The following NRXN3 variants were observed in gnomAD, a reference collection of about 807,000 sequenced individuals.
NRXN3 encodes the protein neurexin 3.
A neutral mutation model predicts 137.6 loss-of-function variants in NRXN3; 32 were observed. The ratio of observed to expected loss-of-function variants is 0.23; its 90% CI spans 0.18 to 0.31. The LOEUF is 0.31. NRXN3 is among the 10% of genes least tolerant of loss of function. NRXN3 has a pLI of 1.00. For missense variants in NRXN3, 1,574 were observed against 2,062.5 expected, an observed-to-expected ratio of 0.76 and a Z score of 4.59; for synonymous variants, 798 against 784.5, an observed-to-expected ratio of 1.02 and a Z score of -0.29.
chr14:78,823,383 C>T (rs937700965), intron 10 of NRXN3, among the ~76,000 whole-genome samples: 1 of 152,182 alleles, frequency 6.6e-6, no homozygotes, highest in Admixed American at 6.5e-5. Context: ...GACTGTTCCT[C>T]TGTATCTGCC....
chr14:78,390,900 G>A (rs1299172896), intron 4 of NRXN3, among the ~76,000 whole-genome samples: 1 of 152,116 alleles, frequency 6.6e-6, no homozygotes, highest in Admixed American at 6.6e-5. Flanking sequence ...ATTAAGCCCA[G>A]CATGCATTAG....
chr14:78,349,772 T>A (rs996303521), intron 4 of NRXN3, among the ~76,000 whole-genome samples: 2 of 152,228 alleles, frequency 1.3e-5, no homozygotes, highest in Non-Finnish European at 2.9e-5. Flanking sequence ...TTATTCCTAG[T>A]CATTGTCAAA....
rs75193191 is a variant in NRXN3 at position 79,569,223 on chromosome 14, C to A, written c.3445-94555C>A. 6.6e-3 allele frequency among the ~76,000 whole-genome samples: 1,011 copies of A among 152,114 alleles called. 13 individuals carry two copies. Among genetic ancestry groups the A allele is most frequent in the African/African-American group, 0.024 (976 of 41,502 alleles). On this transcript the variant is annotated intron_variant, in intron 16 of 20. Transcript: ENST00000335750. ...TAATACTAACCTCCTACCAAACAAT[C>A]CCTGTTGCCACTCTACTGAAAATAC... is the stretch of plus-strand genomic sequence containing the variant.
At chr14:79,722,045 C>A (rs2098846477) in intron 19 of NRXN3, among the ~76,000 whole-genome samples, 1 of 152,088 alleles carries the variant, frequency 6.6e-6, no homozygotes, top group Admixed American at 6.6e-5. Context: ...TGTTCTATAA[C>A]AGTCAGCAAG....
chr14:79,089,258 T>C (rs927100015), intron 15 of NRXN3, among the ~76,000 whole-genome samples: 4 of 152,164 alleles, frequency 2.6e-5, no homozygotes, highest in African/African-American at 9.6e-5. Context: ...AATATATTTA[T>C]AATTTACATA....
At chr14:79,183,425 A>T (rs2063162871) in intron 15 of NRXN3, among the ~76,000 whole-genome samples, 1 of 152,216 alleles carries the variant, frequency 6.6e-6, no homozygotes, top group African/African-American at 2.4e-5. Context: ...ATTTTAATGT[A>T]AGATGGTTGA....
intron 15 of NRXN3, among the ~76,000 whole-genome samples, chr14:79,107,688 GGATAGGGAGGTA>G (rs1404124139): frequency 2.6e-5 from 4 of 152,176 alleles, no homozygotes; most frequent in African/African-American, 7.2e-5. Flanking sequence ...AGTGGTTCTT[GGATAGGGAGGTA>G]GAGAGAGAAT....
chr14:79,280,821 A>T, intron 15 of NRXN3: 1 of 403,264 alleles, frequency 2.5e-6, no homozygotes, highest in Non-Finnish European at 4.6e-6. Flanking sequence ...CTCTTTTGCA[A>T]CCTTCTACTC....
At chr14:79,279,875 G>T (rs913417233) in intron 15 of NRXN3, 2 of 1,015,732 alleles carry the variant, frequency 2.0e-6, no homozygotes. Context: ...GGTTCGGGCT[G>T]CCTCCTTCTC....
chr14:79,416,823 A>G (rs2095503699), intron 15 of NRXN3, among the ~76,000 whole-genome samples: 1 of 152,200 alleles, frequency 6.6e-6, no homozygotes, highest in African/African-American at 2.4e-5. Flanking sequence ...CAAAGATAAC[A>G]TTACATGGCA....
At chr14:78,567,743 T>G (rs2096849469) in intron 4 of NRXN3, among the ~76,000 whole-genome samples, 2 of 152,070 alleles carry the variant, frequency 1.3e-5, no homozygotes, top group African/African-American at 4.8e-5. Flanking sequence ...GTAGAAAAAT[T>G]ATGATGTCAG....
At chr14:78,969,111 C>T (rs1181542421) in intron 14 of NRXN3, among the ~76,000 whole-genome samples, 1 of 152,128 alleles carries the variant, frequency 6.6e-6, no homozygotes, top group Non-Finnish European at 1.5e-5. Context: ...AGTAGGTACT[C>T]GATAAATGGT....
At chr14:78,250,673 G>A (rs2068470142) in intron 2 of NRXN3, among the ~76,000 whole-genome samples, 1 of 152,226 alleles carries the variant, frequency 6.6e-6, no homozygotes, top group Non-Finnish European at 1.5e-5. Context: ...CTGAATAGAT[G>A]AGACCCAGAC....
At chr14:78,808,219 A>G (rs1378205078) in intron 9 of NRXN3, among the ~76,000 whole-genome samples, 1 of 152,170 alleles carries the variant, frequency 6.6e-6, no homozygotes, top group Non-Finnish European at 1.5e-5. Flanking sequence ...CCATCTTGAA[A>G]GCGCCAAGCT....
At chr14:78,581,798 G>T (rs367647280) in intron 4 of NRXN3, among the ~76,000 whole-genome samples, 1 of 152,092 alleles carries the variant, frequency 6.6e-6, no homozygotes, top group Non-Finnish European at 1.5e-5. Context: ...ATAGCTTACT[G>T]GTTACTATAC....
chr14:79,262,628 A>G (rs930664216), intron 15 of NRXN3, among the ~76,000 whole-genome samples: 3 of 152,236 alleles, frequency 2.0e-5, no homozygotes, highest in African/African-American at 7.2e-5. Context: ...TGTCAAAAGC[A>G]TAATGCTTCT....
intron 4 of NRXN3, among the ~76,000 whole-genome samples, chr14:78,562,127 G>A (rs112488624): frequency 1.1e-4 from 16 of 151,924 alleles, no homozygotes; most frequent in Admixed American, 2.6e-4. Flanking sequence ...GGTGGGGCAC[G>A]ATGTCTCACG....
At chr14:79,517,092 G>GCCCCCCC (rs35613259) in intron 16 of NRXN3, among the ~76,000 whole-genome samples, 2 of 124,634 alleles carry the variant, frequency 1.6e-5, no homozygotes, top group African/African-American at 6.8e-5. Flanking sequence ...CAAATGTACA[G>GCCCCCCC]CCCCCCCCCC....
Position 78,243,218 on chromosome 14 carries a change from G to T in NRXN3, c.125G>T (p.Arg42Leu), listed in dbSNP as rs543377338. 8 of 1,548,552 alleles carry T rather than the reference G, an allele frequency of 5.2e-6. No homozygotes were observed. Among genetic ancestry groups the T allele is most frequent in the African/African-American group, 1.4e-5 (1 of 73,566 alleles). ...GLPNQWARYL[R>L]WDASTRSDLS... is the part of the protein sequence containing the mutation. ...CCCAACCAGTGGGCCCGCTACCTCC[G>T]CTGGGATGCCAGCACACGCAGTGAC... The change falls in exon 2 of 21, where the codon CGC becomes CTC. Residue 42 changes from arginine to leucine, a missense_variant. Around this residue, in one of 5 missense-constraint regions of NRXN3, gnomAD observed 400 missense variants for 527.3 expected, o/e 0.76. Transcript: ENST00000335750. The surrounding 1 kb of genome is among the most constrained non-coding windows in gnomAD (Gnocchi z 4.2).
Sources: allele counts gnomAD v4.1 joint callset (sites outside exome capture counted in the v4.1 genomes callset), GRCh38; gene constraint gnomAD v4.1.1; regional missense constraint gnomAD v4.1.1; non-coding constraint Gnocchi (gnomAD v3.1); transcripts MANE v1.5; gene names NCBI Gene and HGNC (gene_info 2026-07-23, HGNC 2026-07-21).